The following FHL1 variants were observed in gnomAD, a reference collection of about 807,000 sequenced individuals.
FHL1 encodes four and a half LIM domains protein 1.
Under a neutral mutation model 20.3 loss-of-function variants are expected in FHL1, and 1 was observed. The observed-to-expected ratio is 0.05, with a 90% CI of 0.02 to 0.23. The LOEUF (loss-of-function observed/expected upper bound fraction) is 0.23. Ranked by LOEUF, FHL1 falls within the 10% of genes least tolerant of loss-of-function variation. The pLI, the probability that FHL1 is intolerant of heterozygous loss-of-function variation, is 1.00. For synonymous variants in FHL1, 82 were observed against 88.9 expected, an observed-to-expected ratio of 0.92 and a Z score of 0.44; for missense variants, 177 against 234.0, an observed-to-expected ratio of 0.76 and a Z score of 1.59.
chrX:136,160,790 A>C (rs902571447), intron 1 of FHL1, among the ~76,000 whole-genome samples: 1 of 111,633 alleles, frequency 9.0e-6, no homozygotes, highest in African/African-American at 3.3e-5. Context: ...GCCTGAATTG[A>C]CTATATATGT....
At chrX:136,186,523 A>G in intron 2 of FHL1, among the ~76,000 whole-genome samples, 1 of 111,260 alleles carries the variant, frequency 9.0e-6, no homozygotes, top group South Asian at 3.8e-4. Context: ...TGATTAAACT[A>G]ACTTACTACT....
At chrX:136,186,766 A>G (rs2073299188) in intron 2 of FHL1, among the ~76,000 whole-genome samples, 1 of 108,378 alleles carries the variant, frequency 9.2e-6, no homozygotes, top group African/African-American at 3.4e-5. Context: ...AGGCAGGAGA[A>G]TCGCTTGAGC....
chrX:136,196,672 C>T, upstream of FHL1: 1 of 484,337 alleles, frequency 2.1e-6, no homozygotes, highest in Non-Finnish European at 3.4e-6. Flanking sequence ...TTACTTTTAT[C>T]ATTAACAGCA....
rs1331975335 is a variant in FHL1, at chrX:136,158,671, G to A, written c.-101+11043G>A. Among the ~76,000 whole-genome samples, 3 of 111,172 alleles carry A rather than the reference G, an allele frequency of 2.7e-5. No individual in the cohort carries two copies. The Admixed American group carries it at 2.9e-4, about 11-fold the overall frequency. On this transcript the variant is annotated intron_variant, in intron 1 of 7. Coordinates refer to the FHL1 transcript ENST00000394155. ...TTTTTTCACACTCCTTTCCAGTTTCGAGCTGTACTGGAAATTGGAGAGTTG... is the reference window on the plus strand; with the variant it reads ...TTTTTTCACACTCCTTTCCAGTTTCAAGCTGTACTGGAAATTGGAGAGTTG...
intron 5 of FHL1, chrX:136,209,281 A>G (rs749585308): frequency 8.3e-7 from 1 of 1,210,615 alleles, no homozygotes; most frequent in Admixed American, 2.2e-5. Flanking sequence ...CCCAGTCTCT[A>G]AAGCTAGGAA....
At chrX:136,165,437 A>G (rs2072685608), upstream of FHL1, among the ~76,000 whole-genome samples, 1 of 111,845 alleles carries the variant, frequency 8.9e-6, no homozygotes, top group African/African-American at 3.2e-5. Context: ...TCTGACCTCT[A>G]TAGTAGCATA....
At chrX:136,196,958 T>C, upstream of FHL1, 1 of 1,045,601 alleles carries the variant, frequency 9.6e-7, no homozygotes, top group South Asian at 2.0e-5. Flanking sequence ...GGATTAAGGT[T>C]GTGATCTCTG....
chrX:136,197,303 A>G (rs769808237), intron 1 of FHL1, among the ~76,000 whole-genome samples, 169 bp downstream of exon 1: 27 of 112,570 alleles, frequency 2.4e-4, no homozygotes, highest in Non-Finnish European at 5.1e-4. Flanking sequence ...TATTTCAAAG[A>G]CAAAATATTG....
In FHL1 at chrX:136,206,205, G is replaced by A. The variant is rs1383841301; in HGVS notation, c.23-202G>A. On this transcript the variant is annotated intron_variant, in intron 1 of 5. Coordinates refer to ENST00000370683, the MANE Select transcript of FHL1 (RefSeq NM_001159699.2). ...CTAGCCATCGGCCATCTGGCCCCGC[G>A]GGGTGCTTTTGTTCCTGGAATCATA... 2.9e-5 allele frequency: 14 copies of A among 487,744 alleles called. No homozygotes were observed. The highest frequency in any genetic ancestry group is 3.7e-5 in the East Asian group (1 of 27,389). 40.2% of individuals were successfully genotyped at this position (487,744 alleles called of 1,213,427 possible). A position where few individuals can be genotyped will look rare whatever the true frequency, so the allele number is the denominator to read the frequency against.
At chrX:136,176,020 G>A (rs934294881) in intron 2 of FHL1, among the ~76,000 whole-genome samples, 3 of 112,076 alleles carry the variant, frequency 2.7e-5, no homozygotes, top group African/African-American at 9.7e-5. Context: ...GGGTTCCAGT[G>A]CTCTAGTTCC....
chrX:136,178,009 G>A (rs1321223609), intron 2 of FHL1, among the ~76,000 whole-genome samples: 2 of 111,966 alleles, frequency 1.8e-5, no homozygotes, highest in Non-Finnish European at 3.8e-5. Context: ...GTTAGATTAA[G>A]GTCATAGCTA....
intron 2 of FHL1, among the ~76,000 whole-genome samples, chrX:136,180,579 A>G (rs997188076): frequency 2.7e-5 from 3 of 112,111 alleles, no homozygotes; most frequent in Non-Finnish European, 3.8e-5. Context: ...ATTTATAGAC[A>G]TGTCTCAGAG....
chrX:136,167,546 C>T (rs2072745592), upstream of FHL1, among the ~76,000 whole-genome samples: 1 of 111,298 alleles, frequency 9.0e-6, no homozygotes, highest in African/African-American at 3.3e-5. Context: ...AGATATTTAA[C>T]ATCTTACAGG....
chrX:136,155,648 G>A (rs1439716319), intron 1 of FHL1, among the ~76,000 whole-genome samples: 1 of 111,185 alleles, frequency 9.0e-6, no homozygotes, highest in African/African-American at 3.3e-5. Context: ...GTCAGTAAGT[G>A]ACCAACTCTC....
At chrX:136,170,270 G>A (rs1042351539) in intron 2 of FHL1, among the ~76,000 whole-genome samples, 1 of 111,967 alleles carries the variant, frequency 8.9e-6, no homozygotes, top group Non-Finnish European at 1.9e-5. Flanking sequence ...TGCTCATGTC[G>A]TTGCACGAAC....
chrX:136,147,767 C>A (rs908744113), intron 1 of FHL1: 4 of 109,035 alleles, frequency 3.7e-5, no homozygotes, highest in African/African-American at 1.0e-4. Flanking sequence ...GGCTGCCTGG[C>A]CTTCCAGGGC....
At chrX:136,153,844 A>G (rs1318962389) in intron 1 of FHL1, among the ~76,000 whole-genome samples, 1 of 111,650 alleles carries the variant, frequency 9.0e-6, no homozygotes, top group Admixed American at 9.5e-5. Context: ...TTAAATGACT[A>G]GATTTTCTGA....
intron 2 of FHL1, among the ~76,000 whole-genome samples, chrX:136,180,533 T>C (rs1161959316): frequency 4.5e-5 from 5 of 112,174 alleles, no homozygotes; most frequent in Non-Finnish European, 9.4e-5. Flanking sequence ...CCTTCCAGTC[T>C]AGTGGTTTTC....
intron 2 of FHL1, among the ~76,000 whole-genome samples, chrX:136,178,901 T>C (rs917155441): frequency 2.1e-4 from 23 of 110,204 alleles, no homozygotes; most frequent in Non-Finnish European, 4.0e-4. Flanking sequence ...ACTATAGGCG[T>C]GTGCCACCAG....
Sources: allele counts gnomAD v4.1 joint callset (sites outside exome capture counted in the v4.1 genomes callset), GRCh38; gene constraint gnomAD v4.1.1; transcripts MANE v1.5; gene names NCBI Gene and HGNC (gene_info 2026-07-23, HGNC 2026-07-21).